Variants in CD96 observed in about 807,000 individuals in gnomAD.
The protein encoded by CD96 is T-cell surface protein tactile.
Under a neutral mutation model 71.3 loss-of-function variants are expected in CD96, and 70 were observed. The observed-to-expected ratio is 0.98, with a 90% confidence interval of 0.81 to 1.20. CD96 has a LOEUF of 1.20. Among genes scored for constraint, CD96 ranks in the 50% most tolerant of loss-of-function variants. The probability of loss-of-function intolerance (pLI) is 0.00; values close to 1 mark genes in which losing one functional copy is unlikely to be tolerated. For missense variants in CD96, 742 were observed against 677.5 expected (o/e 1.10, Z -1.06); for synonymous variants, 248 against 233.0 (o/e 1.06, Z -0.59).
downstream of CD96, among the ~76,000 whole-genome samples, chr3:111,654,524 A>G (rs563474976): frequency 5.6e-4 from 85 of 152,344 alleles, no homozygotes; most frequent in Admixed American, 4.4e-3. Flanking sequence ...CTCAGACAGC[A>G]TCTTTGTATC....
At chr3:111,577,304 G>A (rs1163754364) in intron 3 of CD96, among the ~76,000 whole-genome samples, 1 of 152,152 alleles carries the variant, frequency 6.6e-6, no homozygotes, top group Non-Finnish European at 1.5e-5. Context: ...AAAAGCAAGA[G>A]GCTGCCAAAC....
At position 111,585,377 on chromosome 3, in the gene CD96, A is replaced by G; in HGVS notation, c.806A>G (p.Glu269Gly). 10 of 1,597,258 alleles carry G rather than the reference A, an allele frequency of 6.3e-6. No homozygotes were observed. Among genetic ancestry groups the G allele is most frequent in the Non-Finnish European group, 7.7e-6 (9 of 1,164,800 alleles). The change falls in exon 5 of 14, where the codon GAG becomes GGG. Residue 269 changes from glutamate to glycine, a missense_variant and splice_region_variant. By Grantham distance (98) the Glu-to-Gly change is moderately conservative (BLOSUM62 -2). Coordinates refer to ENST00000352690, the MANE Select transcript of CD96 (RefSeq NM_005816.5). Reference sequence around the variant, plus strand: ...AATAACTCCACGGATGTCTTGGTAGAGGTGAGTCACATAAAAGCCTTTGAA... The same window carrying G: ...AATAACTCCACGGATGTCTTGGTAGGGGTGAGTCACATAAAAGCCTTTGAA... Reference protein sequence around the residue: ...VENNSTDVLVERRFTCLLKNV... With the variant: ...VENNSTDVLVGRRFTCLLKNV...
chr3:111,569,127 G>A (rs1935855821), intron 3 of CD96, among the ~76,000 whole-genome samples: 1 of 152,054 alleles, frequency 6.6e-6, no homozygotes. Flanking sequence ...AGATTTTTGT[G>A]GACAGTCTTG....
Position 111,608,092 on chromosome 3 carries a change from G to A in CD96, c.1180+1300G>A, listed in dbSNP as rs567942511. Among the ~76,000 whole-genome samples, 4 of 141,810 alleles carry A rather than the reference G, an allele frequency of 2.8e-5. No homozygotes were observed. The South Asian group carries it at 9.7e-4, about 34-fold the overall frequency. The allele number at this position is 141,810 out of a possible 152,430, so 93.0% of individuals were successfully genotyped here. On this transcript the variant is annotated intron_variant, in intron 8 of 13. Coordinates refer to ENST00000352690, the MANE Select transcript of CD96 (RefSeq NM_005816.5). Reference sequence around the variant, plus strand: ...GTGCTAACCTGGGTTCTTTCATGAGGTGCAGTCACACCGTTGGCTGAGGCT... The same window carrying A: ...GTGCTAACCTGGGTTCTTTCATGAGATGCAGTCACACCGTTGGCTGAGGCT...
intron 2 of CD96, among the ~76,000 whole-genome samples, chr3:111,565,017 T>C (rs1935638791): frequency 6.6e-6 from 1 of 152,182 alleles, no homozygotes; most frequent in South Asian, 2.1e-4. Context: ...AAGTCCTTTC[T>C]GCTCCAGCAC....
chr3:111,593,967 G>C, intron 5 of CD96: 2 of 1,614,140 alleles, frequency 1.2e-6, no homozygotes, highest in Non-Finnish European at 1.7e-6. Flanking sequence ...CCACACAGGC[G>C]GCAGGTGGCA....
chr3:111,545,763 A>T (rs1057353580), intron 2 of CD96, among the ~76,000 whole-genome samples: 7 of 152,166 alleles, frequency 4.6e-5, no homozygotes, highest in Non-Finnish European at 8.8e-5. Context: ...GTAATCCCAG[A>T]GAGAGAAAAG....
intron 2 of CD96, among the ~76,000 whole-genome samples, chr3:111,561,966 G>A (rs1353351637): frequency 9.2e-5 from 14 of 151,650 alleles, no homozygotes; most frequent in Non-Finnish European, 1.9e-4. Flanking sequence ...GGAGTGACCC[G>A]ATTTTCCAGG....
Position 111,598,173 on chromosome 3 carries a change from GT to G in CD96, c.864del (p.Phe288LeufsTer2). ...NVFPKANITW[F>X]IDGSFLHDEK... ...TATTTCCCAAAGCAAATATCACATG[GT>G]TTATAGATGGAAGTTTTCTTCATGA... On this transcript the variant is annotated frameshift_variant, in exon 6 of 14. Transcript: ENST00000352690. LOFTEE classifies it high-confidence loss of function. 1.3e-6 allele frequency: 2 copies of G among 1,482,366 alleles called. No individual in the cohort carries two copies. Among genetic ancestry groups the G allele is most frequent in the Non-Finnish European group, 1.9e-6 (2 of 1,060,486 alleles). The allele number at this position is 1,482,366 out of a possible 1,614,324, so 91.8% of individuals were successfully genotyped here. A position where few individuals can be genotyped will look rare whatever the true frequency, so the allele number is the denominator to read the frequency against.
intron 12 of CD96, 23 bp downstream of exon 12, chr3:111,638,191 G>A (rs1042255894): frequency 1.4e-6 from 2 of 1,400,172 alleles, no homozygotes; most frequent in African/African-American, 2.8e-5. Context: ...TCCTATTTTG[G>A]GGGATTTTAT....
chr3:111,624,634 T>A (rs753833384), intron 10 of CD96, among the ~76,000 whole-genome samples: 3 of 152,112 alleles, frequency 2.0e-5, no homozygotes, highest in Non-Finnish European at 4.4e-5. Context: ...ATAAGTTATA[T>A]GAAAAAAAGG....
At chr3:111,587,317 C>A (rs1449503885) in intron 5 of CD96, among the ~76,000 whole-genome samples, 1 of 152,208 alleles carries the variant, frequency 6.6e-6, no homozygotes, top group Non-Finnish European at 1.5e-5. Context: ...GCACACAGTG[C>A]AAGCTGTTGG....
At chr3:111,614,928 A>G (rs954402289) in intron 8 of CD96, among the ~76,000 whole-genome samples, 5 of 152,216 alleles carry the variant, frequency 3.3e-5, no homozygotes, top group African/African-American at 9.6e-5. Flanking sequence ...CCTGATGCAC[A>G]GGACCCTTCA....
intron 2 of CD96, among the ~76,000 whole-genome samples, chr3:111,549,147 C>T (rs1212509642): frequency 6.6e-6 from 1 of 152,050 alleles, no homozygotes; most frequent in South Asian, 2.1e-4. Context: ...ATTTCCCTCT[C>T]TTCTCCCCTC....
At chr3:111,632,237 T>G (rs1291160114) in intron 10 of CD96, among the ~76,000 whole-genome samples, 1 of 152,128 alleles carries the variant, frequency 6.6e-6, no homozygotes, top group Admixed American at 6.5e-5. Context: ...AAAGGTATAA[T>G]AGCCAGCATC....
intron 12 of CD96, among the ~76,000 whole-genome samples, chr3:111,644,699 G>A (rs1295487994): frequency 6.6e-6 from 1 of 151,980 alleles, no homozygotes; most frequent in Non-Finnish European, 1.5e-5. Context: ...ATCAAAAAGT[G>A]GGCTAAGGAC....
chr3:111,586,552 T>A (rs1229355961), intron 5 of CD96, among the ~76,000 whole-genome samples: 6 of 152,186 alleles, frequency 3.9e-5, no homozygotes, highest in Non-Finnish European at 1.5e-5. Context: ...ACTGGGTAAT[T>A]TATACAGGGA....
In CD96 at chr3:111,600,921, T is replaced by C; in HGVS notation, c.1087+7T>C. On this transcript the variant is annotated splice_region_variant and intron_variant, in intron 7 of 13. Coordinates refer to ENST00000352690, the MANE Select transcript of CD96 (RefSeq NM_005816.5). ...AAGATCACTTTTCTCTTAGGTGAGT[T>C]GTCTATTTAATAAGATCAACAAGAG... The C allele has an allele frequency of 6.4e-7, 1 of 1,569,980 alleles. No homozygotes were observed. The highest frequency in any genetic ancestry group is 8.8e-7 in the Non-Finnish European group (1 of 1,140,226).
chr3:111,556,841 T>C (rs966977827), intron 2 of CD96, among the ~76,000 whole-genome samples: 2 of 151,392 alleles, frequency 1.3e-5, no homozygotes, highest in Non-Finnish European at 2.9e-5. Flanking sequence ...AGTGTTCCTG[T>C]TTCTCCACAT....
Sources: gnomAD v4.1 joint callset for allele counts (sites outside exome capture counted in the v4.1 genomes callset) on GRCh38, gnomAD v4.1.1 for gene constraint, MANE v1.5 for transcripts, NCBI Gene and HGNC (gene_info 2026-07-23, HGNC 2026-07-21) for gene names.